The following DGLUCY variants were observed in gnomAD, a reference collection of about 807,000 sequenced individuals.
The protein encoded by DGLUCY is D-glutamate cyclase, mitochondrial.
In DGLUCY, 58 loss-of-function variants were observed where a neutral mutation model predicts 58.5. That is an observed-to-expected ratio of 0.99 (90% CI 0.80 to 1.23). DGLUCY has a LOEUF of 1.23. DGLUCY is among the 50% of genes most tolerant of loss of function. The probability of loss-of-function intolerance (pLI) is 0.00; values close to 1 mark genes in which losing one functional copy is unlikely to be tolerated. For synonymous variants in DGLUCY, 325 were observed against 314.1 expected (o/e 1.03, Z -0.37); for missense variants, 779 against 784.7 (o/e 0.99, Z 0.09).
intron 1 of DGLUCY, among the ~76,000 whole-genome samples, chr14:91,139,359 AT>A (rs2046521957): frequency 6.6e-6 from 1 of 152,054 alleles, no homozygotes; most frequent in Non-Finnish European, 1.5e-5. Flanking sequence ...TCAAATGCTA[AT>A]TTCACCCCAA....
chr14:91,165,370 G>A, intron 3 of DGLUCY: 1 of 430,478 alleles, frequency 2.3e-6, no homozygotes, highest in Non-Finnish European at 4.6e-6. Flanking sequence ...TATAGATGGG[G>A]AAGCTGAGGC....
At chr14:91,159,818 C>T (rs949892270) in intron 2 of DGLUCY, among the ~76,000 whole-genome samples, 11 of 152,160 alleles carry the variant, frequency 7.2e-5, no homozygotes, top group African/African-American at 2.2e-4. Flanking sequence ...ATTTTGGGCA[C>T]GTGCTATGTG....
chr14:91,223,242 G>A (rs1887764581), intron 13 of DGLUCY, among the ~76,000 whole-genome samples: 1 of 152,186 alleles, frequency 6.6e-6, no homozygotes. Flanking sequence ...GAACCCCATG[G>A]GGGCAGGAAC....
chr14:91,082,903 G>A (rs373428805), intron 1 of DGLUCY, among the ~76,000 whole-genome samples: 16 of 152,198 alleles, frequency 1.1e-4, no homozygotes, highest in South Asian at 4.1e-4. Context: ...ACAGTCATGC[G>A]CAACTATGCT....
At chr14:91,206,184 A>G (rs1884666301) in intron 12 of DGLUCY, among the ~76,000 whole-genome samples, 1 of 151,902 alleles carries the variant, frequency 6.6e-6, no homozygotes, top group South Asian at 2.1e-4. Flanking sequence ...CACGTGGGAG[A>G]GGGACATACC....
At chr14:91,192,708 A>G (rs557010721) in intron 9 of DGLUCY, among the ~76,000 whole-genome samples, 1 of 152,278 alleles carries the variant, frequency 6.6e-6, no homozygotes, top group East Asian at 1.9e-4. Flanking sequence ...GAAGGCTGAG[A>G]CACAAGAATC....
chr14:91,096,896 C>T (rs2044404540), intron 1 of DGLUCY, among the ~76,000 whole-genome samples: 1 of 152,216 alleles, frequency 6.6e-6, no homozygotes, highest in Non-Finnish European at 1.5e-5. Context: ...GGAGAAATTG[C>T]TGGGTTGGCA....
At chr14:91,085,563 G>GT (rs869263434) in intron 1 of DGLUCY, among the ~76,000 whole-genome samples, 4,399 of 125,602 alleles carry the variant, frequency 0.035, 98 homozygotes, top group African/African-American at 0.065. Context: ...TTTTTTTTTT[G>GT]TTTTTTTTTT....
intron 3 of DGLUCY, among the ~76,000 whole-genome samples, chr14:91,161,405 A>G (rs1040222418): frequency 6.6e-6 from 1 of 152,182 alleles, no homozygotes; most frequent in Non-Finnish European, 1.5e-5. Flanking sequence ...GCTTAAAACC[A>G]TTAATCTCAC....
At chr14:91,108,980 A>C (rs921973329) in intron 1 of DGLUCY, among the ~76,000 whole-genome samples, 9 of 152,160 alleles carry the variant, frequency 5.9e-5, no homozygotes, top group Non-Finnish European at 1.2e-4. Flanking sequence ...CCCATGGTAT[A>C]GGAACAGGGG....
intron 8 of DGLUCY, among the ~76,000 whole-genome samples, chr14:91,186,015 CTT>C (rs59680889): frequency 0.039 from 6,000 of 152,212 alleles, 424 homozygotes; most frequent in African/African-American, 0.14. Flanking sequence ...AATAGACCCA[CTT>C]AGTCATTTTT....
chr14:91,151,337 T>A (rs2047325961), intron 1 of DGLUCY, among the ~76,000 whole-genome samples: 1 of 152,150 alleles, frequency 6.6e-6, no homozygotes, highest in African/African-American at 2.4e-5. Context: ...CCTCCGGGGT[T>A]CACGCCATTC....
At chr14:91,218,564 G>A (rs568553376) in intron 13 of DGLUCY, among the ~76,000 whole-genome samples, 9 of 151,768 alleles carry the variant, frequency 5.9e-5, no homozygotes, top group South Asian at 2.1e-4. Flanking sequence ...CACCACACCC[G>A]GCTAATTTTT....
At chr14:91,207,987 A>AT (rs1486393549) in intron 12 of DGLUCY, among the ~76,000 whole-genome samples, 1 of 152,162 alleles carries the variant, frequency 6.6e-6, no homozygotes, top group African/African-American at 2.4e-5. Context: ...ACCTCAGGTG[A>AT]TTCGTCTGCC....
chr14:91,186,250 G>GC (rs201766859), intron 8 of DGLUCY, among the ~76,000 whole-genome samples: 6,256 of 151,428 alleles, frequency 0.041, 161 homozygotes, highest in African/African-American at 0.07. Flanking sequence ...TCTTCTCCTC[G>GC]CCCCCCCTTT....
rs567978727 is a variant in DGLUCY, at chr14:91,093,881, A to T, written c.-82+33177A>T. Among the ~76,000 whole-genome samples the T allele has an allele frequency of 6.2e-3, 937 of 152,188 alleles. 15 individuals are homozygous for T. Among genetic ancestry groups the T allele is most frequent in the Non-Finnish European group, 4.1e-3 (276 of 68,022 alleles). On this transcript the variant is annotated intron_variant, in intron 1 of 4. Coordinates refer to the DGLUCY transcript ENST00000521334. ...AAAAGGTCACATCTTGTATGGTTCCATTTACATGAAATGTTCCAAACAGGT... is the reference window on the plus strand; with the variant it reads ...AAAAGGTCACATCTTGTATGGTTCCTTTTACATGAAATGTTCCAAACAGGT...
chr14:91,072,653 C>CAA (rs1009263745), intron 1 of DGLUCY, among the ~76,000 whole-genome samples: 2 of 121,808 alleles, frequency 1.6e-5, no homozygotes, highest in Admixed American at 8.5e-5. Flanking sequence ...TTTGAGACAC[C>CAA]AAAAAAAAAA....
At chr14:91,137,708 A>G (rs777280889) in intron 1 of DGLUCY, among the ~76,000 whole-genome samples, 21 of 152,020 alleles carry the variant, frequency 1.4e-4, no homozygotes, top group Admixed American at 7.9e-4. Flanking sequence ...GAATTTCTCT[A>G]TGGCTAGCTC....
chr14:91,188,312 C>G (rs1595874756), intron 8 of DGLUCY, among the ~76,000 whole-genome samples: 1 of 152,134 alleles, frequency 6.6e-6, no homozygotes, highest in Non-Finnish European at 1.5e-5. Context: ...TGCGTCACTT[C>G]CATCACGATC....
Sources: gnomAD v4.1 joint callset for allele counts (sites outside exome capture counted in the v4.1 genomes callset) on GRCh38, gnomAD v4.1.1 for gene constraint, MANE v1.5 for transcripts, NCBI Gene and HGNC (gene_info 2026-07-23, HGNC 2026-07-21) for gene names.